The following ADGRA1 variants were observed in gnomAD, a reference collection of about 807,000 sequenced individuals.
ADGRA1 encodes the protein adhesion G protein-coupled receptor A1.
Under a neutral mutation model 21.3 loss-of-function variants are expected in ADGRA1, and 12 were observed. The observed-to-expected ratio is 0.56, with a 90% CI of 0.36 to 0.91. ADGRA1 has a LOEUF of 0.91. Ranked by LOEUF, ADGRA1 falls within the 40% of genes least tolerant of loss-of-function variation. ADGRA1 has a pLI of 0.01. For missense variants in ADGRA1, 790 were observed against 805.6 expected (o/e 0.98, Z 0.23); for synonymous variants, 385 against 368.8 (o/e 1.04, Z -0.50).
rs572101804 is a variant in ADGRA1, at chr10:133,121,643, G to A, written c.402-5590G>A. ...GTGTGTGTGATGTGTGCCAGTGTGC[G>A]TGTGCATGTGTGTGGTGTGTGCCAG... On this transcript the variant is annotated intron_variant, in intron 5 of 6. Coordinates refer to ENST00000392607, the MANE Select transcript of ADGRA1 (RefSeq NM_001083909.3). Among the ~76,000 whole-genome samples, 1,246 of 149,036 alleles carry A rather than the reference G, an allele frequency of 8.4e-3. 7 individuals carry two copies. The highest frequency in any genetic ancestry group is 0.013 in the Non-Finnish European group (910 of 67,470).
intron 5 of ADGRA1, among the ~76,000 whole-genome samples, chr10:133,122,332 C>T (rs992100649): frequency 7.2e-5 from 11 of 152,328 alleles, no homozygotes; most frequent in East Asian, 1.9e-4. Context: ...GTCCTCGCCC[C>T]GTTTCCCCGT....
Position 133,097,046 on chromosome 10 carries a change from G to A in ADGRA1, c.76G>A (p.Ala26Thr), listed in dbSNP as rs868709552. The A allele has an allele frequency of 9.9e-6, 16 of 1,611,246 alleles. No individual in the cohort carries two copies. In the African/African-American group the frequency reaches 1.5e-4, roughly 15 times the overall value. ...GCACCCCGTGGTGTACGCGTGCACG[G>A]CCGTCATGCTGCTCTGCCTCCTGGC... ...FLHPVVYACT[A>T]VMLLCLLASF... Residue 26 changes from alanine (A) to threonine (T), a missense_variant, in exon 3 of 7, where the codon GCC (alanine) becomes ACC (threonine). Physicochemically the swap from Ala to Thr is moderately conservative, Grantham distance 58. This residue lies in a region of ADGRA1 where 382 missense variants were observed against 415.6 expected (regional missense o/e 0.92). Transcript: ENST00000392607.
At chr10:133,111,888 CACA>C (rs1300639123) in intron 5 of ADGRA1, among the ~76,000 whole-genome samples, 5 of 122,998 alleles carry the variant, frequency 4.1e-5, no homozygotes, top group African/African-American at 6.0e-5. Flanking sequence ...ACCTGCCCAC[CACA>C]GACACCTCCC....
chr10:133,090,768 A>T (rs1367026776), intron 2 of ADGRA1, among the ~76,000 whole-genome samples: 6 of 152,294 alleles, frequency 3.9e-5, no homozygotes, highest in South Asian at 2.1e-4. Flanking sequence ...TCCCAAGTGT[A>T]AGGGCATAGG....
At chr10:133,115,197 G>T (rs892807760) in intron 5 of ADGRA1, among the ~76,000 whole-genome samples, 2 of 152,090 alleles carry the variant, frequency 1.3e-5, no homozygotes, top group African/African-American at 4.8e-5. Flanking sequence ...TCGCCTGAGT[G>T]GGGCTGTCCC....
intron 5 of ADGRA1, among the ~76,000 whole-genome samples, chr10:133,111,859 C>T (rs1254152245): frequency 3.4e-5 from 5 of 147,902 alleles, no homozygotes; most frequent in Admixed American, 2.0e-4. Context: ...GGGCACCTCC[C>T]TCCTAATCCC....
At chr10:133,088,229 C>A in intron 1 of ADGRA1, 91 bp downstream of exon 1, 1 of 496,000 alleles carries the variant, frequency 2.0e-6, no homozygotes, top group South Asian at 8.5e-5. Context: ...ACACTGGCCG[C>A]GAGGAAAGCA....
At chr10:133,101,934 G>A (rs1056095441) in intron 4 of ADGRA1, among the ~76,000 whole-genome samples, 3 of 152,224 alleles carry the variant, frequency 2.0e-5, no homozygotes, top group African/African-American at 7.2e-5. Context: ...TGAAAATTGA[G>A]CTCTGGATCT....
intron 2 of ADGRA1, among the ~76,000 whole-genome samples, chr10:133,096,108 T>C (rs987299070): frequency 6.6e-6 from 1 of 152,180 alleles, no homozygotes; most frequent in Non-Finnish European, 1.5e-5. Flanking sequence ...AGCACAGACA[T>C]GTTTCCCACA....
rs765123050 is a variant in ADGRA1 at position 133,129,073 on chromosome 10, G to A, written c.1245G>A (p.Gly415=). The part of the protein sequence containing the change: ...GAFGHDPHLH[G]CLQGRTKPPY... Reference sequence around the variant, plus strand: ...TCGGGCACGACCCCCACCTGCACGGGTGCCTTCAGGGCAGAACTAAGCCGC... The same window carrying A: ...TCGGGCACGACCCCCACCTGCACGGATGCCTTCAGGGCAGAACTAAGCCGC... Residue 415 remains glycine, a synonymous_variant, in exon 7 of 7, where the codon GGG becomes GGA. Transcript: ENST00000392607. 9 of 1,550,312 alleles carry A rather than the reference G, an allele frequency of 5.8e-6. No homozygotes were observed. The highest frequency in any genetic ancestry group is 7.9e-6 in the Non-Finnish European group (9 of 1,145,518).
In ADGRA1 at chr10:133,111,974, C is replaced by T. The variant is rs1195094411; in HGVS notation, c.401+9132C>T. ...ATCCCTCCAGACCACCTGCCCACCACAGGCACCTCCCTCCTAATGCCTCCA... is the reference window on the plus strand; with the variant it reads ...ATCCCTCCAGACCACCTGCCCACCATAGGCACCTCCCTCCTAATGCCTCCA... On this transcript the variant is annotated intron_variant, in intron 5 of 6. Coordinates refer to ENST00000392607, the MANE Select transcript of ADGRA1 (RefSeq NM_001083909.3). Among the ~76,000 whole-genome samples the T allele has an allele frequency of 5.9e-4, 38 of 64,130 alleles. 4 individuals are homozygous for T. Among genetic ancestry groups the T allele is most frequent in the African/African-American group, 2.3e-3 (32 of 13,666 alleles). 42.1% of individuals were successfully genotyped at this position (64,130 alleles called of 152,430 possible).
chr10:133,109,695 C>T (rs909412617), intron 5 of ADGRA1, among the ~76,000 whole-genome samples: 3 of 152,246 alleles, frequency 2.0e-5, no homozygotes, highest in Non-Finnish European at 4.4e-5. Context: ...GGGAAGGTCC[C>T]TCCTGGTTCA....
intron 2 of ADGRA1, among the ~76,000 whole-genome samples, chr10:133,096,608 A>G (rs922059290): frequency 6.6e-6 from 1 of 152,170 alleles, no homozygotes; most frequent in Non-Finnish European, 1.5e-5. Context: ...GCCCATCCAG[A>G]TCCCACCTGG....
At chr10:133,102,986 G>A (rs1236109506) in intron 5 of ADGRA1, 144 bp downstream of exon 5, 2 of 944,742 alleles carry the variant, frequency 2.1e-6, no homozygotes, top group Admixed American at 2.7e-5. Flanking sequence ...TGTTCCCAGG[G>A]AGGGTGGAGA....
intron 2 of ADGRA1, among the ~76,000 whole-genome samples, chr10:133,096,546 G>C (rs1215277612): frequency 6.6e-6 from 1 of 152,230 alleles, no homozygotes; most frequent in African/African-American, 2.4e-5. Context: ...TGAGTGTGGG[G>C]CTCCCAGTGC....
intron 4 of ADGRA1, among the ~76,000 whole-genome samples, chr10:133,101,346 G>A (rs760016920): frequency 9.2e-5 from 14 of 152,226 alleles, no homozygotes; most frequent in East Asian, 1.9e-4. Flanking sequence ...AGAGATGGCC[G>A]TGAGCCCCAT....
chr10:133,127,804 C>A (rs1482882958), intron 6 of ADGRA1, among the ~76,000 whole-genome samples: 1 of 137,452 alleles, frequency 7.3e-6, no homozygotes, highest in Non-Finnish European at 1.6e-5. Context: ...CCCGCCCACC[C>A]AGCTCCACCT....
chr10:133,117,611 A>C (rs1203169481), intron 5 of ADGRA1, among the ~76,000 whole-genome samples: 2 of 152,362 alleles, frequency 1.3e-5, no homozygotes, highest in East Asian at 3.9e-4. Context: ...TGGACGGCCA[A>C]GAGGAGGCTG....
In ADGRA1 at chr10:133,098,661, G is replaced by C. The variant is rs781132355; in HGVS notation, c.153G>C (p.Lys51Asn). ...VHQSAIRISR[K>N]GRHTLLNFCF... ...ACAGCGCCATCCGCATCAGCCGCAA[G>C]GGCCGGCACACGCTCCTGAATTTCT... is the stretch of plus-strand genomic sequence containing the variant. Residue 51 changes from lysine to asparagine, a missense_variant, in exon 4 of 7, where the codon AAG becomes AAC. Physicochemically the swap from Lys to Asn is moderately conservative, Grantham distance 94 (BLOSUM62 0). Coordinates refer to ENST00000392607, the MANE Select transcript of ADGRA1 (RefSeq NM_001083909.3). 6.2e-7 allele frequency: 1 copy of C among 1,610,474 alleles called. No individual in the cohort carries two copies. The highest frequency in any genetic ancestry group is 1.1e-5 in the South Asian group (1 of 91,054).
Sources: gnomAD v4.1 joint callset for allele counts (sites outside exome capture counted in the v4.1 genomes callset) on GRCh38, gnomAD v4.1.1 for gene constraint, gnomAD v4.1.1 regional missense constraint, MANE v1.5 for transcripts, NCBI Gene and HGNC (gene_info 2026-07-23, HGNC 2026-07-21) for gene names.